Variants in ANKH observed in about 807,000 individuals in gnomAD.
ANKH encodes the protein mineralization regulator ANKH.
A neutral mutation model predicts 49.0 loss-of-function variants in ANKH; 15 were observed. The ratio of observed to expected loss-of-function variants is 0.31; its 90% CI spans 0.20 to 0.47. The LOEUF (loss-of-function observed/expected upper bound fraction) is 0.47, where lower values mean the gene tolerates loss of function less well. Ranked by LOEUF, ANKH falls within the 20% of genes least tolerant of loss-of-function variation. ANKH has a pLI of 1.00. For synonymous variants in ANKH, 273 were observed against 260.0 expected (o/e 1.05, Z -0.48); for missense variants, 429 against 652.0 (o/e 0.66, Z 3.72).
rs545850689 is a variant in ANKH at position 14,721,861 on chromosome 5, C to T, written c.1012-5026G>A. Among the ~76,000 whole-genome samples the T allele has an allele frequency of 2.8e-4, 35 of 124,296 alleles. No individual in the cohort carries two copies. The East Asian group carries it at 8.2e-3, about 29-fold the overall frequency. The allele number at this position is 124,296 out of a possible 152,430, so 81.5% of individuals were successfully genotyped here. On this transcript the variant is annotated intron_variant, in intron 8 of 11. Transcript: ENST00000284268. ...AGGAGAATGGCGTGAATCGGGGAGG[C>T]GGAGCTTGCAGTGAGCTGAGATCAT...
intron 1 of ANKH, among the ~76,000 whole-genome samples, chr5:14,865,327 A>G (rs545876649): frequency 6.6e-6 from 1 of 152,338 alleles, no homozygotes; most frequent in African/African-American, 2.4e-5. Context: ...CCAAATTGTT[A>G]AATGAGTTTT....
At chr5:14,784,500 C>T (rs1739911087) in intron 1 of ANKH, among the ~76,000 whole-genome samples, 1 of 152,170 alleles carries the variant, frequency 6.6e-6, no homozygotes, top group South Asian at 2.1e-4. Flanking sequence ...TTATTACCTA[C>T]CCAGGCAATT....
At chr5:14,726,930 T>A (rs764572778) in intron 8 of ANKH, among the ~76,000 whole-genome samples, 52 of 152,314 alleles carry the variant, frequency 3.4e-4, no homozygotes, top group Non-Finnish European at 5.6e-4. Flanking sequence ...GTGTTCCCGA[T>A]ACAGCACGTG....
rs1221951310 is a variant in ANKH at position 14,713,573 on chromosome 5, G to A, written c.1236C>T (p.Ile412=). 6 of 1,614,194 alleles carry A rather than the reference G, an allele frequency of 3.7e-6. No individual in the cohort carries two copies. The highest frequency in any genetic ancestry group is 2.2e-5 in the East Asian group (1 of 44,878). ...PSSVLRIIVL[I]ASLVVLPYLG... is the part of the protein sequence containing the mutation. The stretch of plus-strand genomic sequence containing the variant: ...GGTAGGGTAGGACCACGAGGCTGGC[G>A]ATGAGGACGATGATCCGCAGCACAG... Residue 412 remains isoleucine (I), a synonymous_variant, in exon 10 of 12, where the codon ATC becomes ATT. Coordinates refer to ENST00000284268, the MANE Select transcript of ANKH (RefSeq NM_054027.6). The surrounding 1 kb of genome is among the most constrained non-coding windows in gnomAD (Gnocchi z 4.4).
intron 1 of ANKH, among the ~76,000 whole-genome samples, chr5:14,859,011 T>A (rs1215936885): frequency 6.6e-6 from 1 of 152,062 alleles, no homozygotes; most frequent in African/African-American, 2.4e-5. Context: ...TAATTGAAAG[T>A]TTTTCATTTT....
At chr5:14,760,940 C>A (rs11740591) in intron 2 of ANKH, among the ~76,000 whole-genome samples, 92,230 of 151,774 alleles carry the variant, frequency 0.61, 28,366 homozygotes, top group Admixed American at 0.63. Flanking sequence ...CTTATCTAGC[C>A]ATAAGGTCAC....
Position 14,711,324 on chromosome 5 carries a change from G to A in ANKH, c.1366-14C>T. 6.2e-7 allele frequency: 1 copy of A among 1,609,886 alleles called. No individual in the cohort carries two copies. Among genetic ancestry groups the A allele is most frequent in the Non-Finnish European group, 8.5e-7 (1 of 1,176,180 alleles). On this transcript the variant is annotated splice_polypyrimidine_tract_variant and intron_variant, in intron 11 of 11. Coordinates refer to ENST00000284268, the MANE Select transcript of ANKH (RefSeq NM_054027.6). ...CATCTTCTTTTTCTAGACCAAAGAA[G>A]ACTCATCAGTGTGGGGCTGTGGATG... is the stretch of plus-strand genomic sequence containing the variant.
In ANKH at chr5:14,709,633, T is replaced by G. The variant is rs911242244; in HGVS notation, c.*1564A>C. The G allele has an allele frequency of 6.6e-6, 1 of 152,416 alleles. No homozygotes were observed. The highest frequency in any genetic ancestry group is 6.5e-5 in the Admixed American group (1 of 15,286). The allele number at this position is 152,416 out of a possible 1,614,324, so 9.4% of individuals were successfully genotyped here. On this transcript the variant is annotated 3_prime_UTR_variant, in exon 12 of 12. Coordinates refer to ENST00000284268, the MANE Select transcript of ANKH (RefSeq NM_054027.6). ...TTTGCCTTTCCAGCTTGCACTTCTA[T>G]TCCTACTCCAGTGACCCATTTATTC...
chr5:14,805,485 T>TACAC (rs111728811), intron 1 of ANKH, among the ~76,000 whole-genome samples: 4,264 of 132,134 alleles, frequency 0.032, 183 homozygotes, highest in African/African-American at 0.089. Flanking sequence ...GTTTATAGGA[T>TACAC]ACACACACAC....
intron 1 of ANKH, among the ~76,000 whole-genome samples, chr5:14,830,921 C>T (rs531551900): frequency 1.1e-4 from 16 of 152,328 alleles, no homozygotes; most frequent in African/African-American, 2.9e-4. Context: ...CCCTTGGTCC[C>T]GGACAAACTG....
chr5:14,783,832 C>T (rs971794152), intron 1 of ANKH, among the ~76,000 whole-genome samples: 4 of 152,282 alleles, frequency 2.6e-5, no homozygotes, highest in South Asian at 2.1e-4. Flanking sequence ...TTCATGCATA[C>T]GTGATACAGG....
At chr5:14,867,148 T>A in intron 1 of ANKH, among the ~76,000 whole-genome samples, 1 of 114,198 alleles carries the variant, frequency 8.8e-6, no homozygotes, top group South Asian at 3.0e-4. Context: ...CAAGTGAGAC[T>A]CAGTCTCAAA....
intron 2 of ANKH, 177 bp downstream of exon 2, chr5:14,768,798 C>T (rs926892719): frequency 2.9e-6 from 2 of 689,288 alleles, no homozygotes; most frequent in Non-Finnish European, 2.5e-6. Context: ...CCAGAAAAAA[C>T]ACATTATTGT....
intron 1 of ANKH, among the ~76,000 whole-genome samples, chr5:14,773,640 C>G (rs371087987): frequency 1.3e-5 from 2 of 152,110 alleles, no homozygotes; most frequent in Non-Finnish European, 2.9e-5. Flanking sequence ...CGCTGAGTGG[C>G]CTTGGCTAAA....
At chr5:14,853,728 G>A (rs75344248) in intron 1 of ANKH, among the ~76,000 whole-genome samples, 1,842 of 152,108 alleles carry the variant, frequency 0.012, 41 homozygotes, top group African/African-American at 0.042. Context: ...GCAGTGGCGC[G>A]ATAGAAAGGT....
chr5:14,827,338 G>A (rs1047132490), intron 1 of ANKH, among the ~76,000 whole-genome samples: 1 of 152,200 alleles, frequency 6.6e-6, no homozygotes, highest in Non-Finnish European at 1.5e-5. Flanking sequence ...TAAGTGATCT[G>A]CCTCAGGTGC....
intron 1 of ANKH, among the ~76,000 whole-genome samples, chr5:14,822,931 G>A (rs1741237687): frequency 6.6e-6 from 1 of 152,140 alleles, no homozygotes; most frequent in Non-Finnish European, 1.5e-5. Context: ...CTACTCGGGA[G>A]GCTGAGGCAG....
intron 1 of ANKH, among the ~76,000 whole-genome samples, chr5:14,821,466 G>A (rs899462697): frequency 2.6e-5 from 4 of 152,292 alleles, no homozygotes; most frequent in South Asian, 2.1e-4. Context: ...AGGAAAATCC[G>A]ATCAGACAAA....
At chr5:14,807,952 TAAA>T (rs1740755771) in intron 1 of ANKH, among the ~76,000 whole-genome samples, 1 of 152,230 alleles carries the variant, frequency 6.6e-6, no homozygotes, top group South Asian at 2.1e-4. Flanking sequence ...TTAGCTCCTT[TAAA>T]AAATTGGAGT....
Sources: gnomAD v4.1 joint callset for allele counts (sites outside exome capture counted in the v4.1 genomes callset) on GRCh38, gnomAD v4.1.1 for gene constraint, Gnocchi (gnomAD v3.1) non-coding constraint, MANE v1.5 for transcripts, NCBI Gene and HGNC (gene_info 2026-07-23, HGNC 2026-07-21) for gene names.